The following USP53 variants were observed in gnomAD, a reference collection of about 807,000 sequenced individuals.
USP53 encodes the protein ubiquitin specific peptidase 53.
Under a neutral mutation model 94.9 loss-of-function variants are expected in USP53, and 71 were observed. The observed-to-expected ratio is 0.75, with a 90% CI of 0.62 to 0.91. USP53 has a LOEUF of 0.91. Among genes scored for constraint, USP53 ranks in the 40% least tolerant of loss-of-function variants. The pLI, the probability that USP53 is intolerant of heterozygous loss-of-function variation, is 0.00. For synonymous variants in USP53, 375 were observed against 422.7 expected, an observed-to-expected ratio of 0.89 and a Z score of 1.39; for missense variants, 1,173 against 1,281.0, an observed-to-expected ratio of 0.92 and a Z score of 1.29.
At chr4:119,285,543 TA>T (rs1754005355) in intron 17 of USP53, among the ~76,000 whole-genome samples, 1 of 151,866 alleles carries the variant, frequency 6.6e-6, no homozygotes, top group Non-Finnish European at 1.5e-5. Context: ...AAAAATCTGT[TA>T]AGTCCCTTAT....
At chr4:119,279,908 C>T (rs1239388223) in intron 17 of USP53, among the ~76,000 whole-genome samples, 2 of 152,230 alleles carry the variant, frequency 1.3e-5, no homozygotes, top group Non-Finnish European at 2.9e-5. Context: ...AAAGGGGACT[C>T]CCTGACCCCT....
At chr4:119,227,814 A>C (rs548690165) in intron 3 of USP53, among the ~76,000 whole-genome samples, 1 of 152,238 alleles carries the variant, frequency 6.6e-6, no homozygotes, top group South Asian at 2.1e-4. Flanking sequence ...ATTCATAATA[A>C]CCCCAAAATG....
At chr4:119,261,993 T>C (rs1395553783) in intron 12 of USP53, 129 bp downstream of exon 12, 2 of 874,092 alleles carry the variant, frequency 2.3e-6, no homozygotes, top group Non-Finnish European at 3.1e-6. Context: ...ATGAACATGA[T>C]GATAGCATCA....
At chr4:119,228,652 A>G (rs1745645237) in intron 3 of USP53, among the ~76,000 whole-genome samples, 1 of 152,106 alleles carries the variant, frequency 6.6e-6, no homozygotes, top group Non-Finnish European at 1.5e-5. Context: ...GGTGATGGAA[A>G]TGTTCTATAG....
At chr4:119,232,011 C>T (rs369069101) in intron 3 of USP53, among the ~76,000 whole-genome samples, 2 of 152,234 alleles carry the variant, frequency 1.3e-5, no homozygotes, top group East Asian at 3.9e-4. Context: ...GGTAGAAAGC[C>T]TCCCCAAATC....
chr4:119,266,418 A>G (rs1245216471), intron 12 of USP53: 4 of 448,548 alleles, frequency 8.9e-6, no homozygotes, highest in Non-Finnish European at 1.8e-5. Flanking sequence ...AGAGCAATGT[A>G]TGAGAGTTCC....
Position 119,272,012 on chromosome 4 carries a change from G to A in USP53, c.2152G>A (p.Val718Ile), listed in dbSNP as rs202244720. Residue 718 changes from valine (V) to isoleucine (I), a missense_variant, in exon 16 of 19, where the codon GTT becomes ATT. Val to Ile is a conservative substitution (Grantham distance 29, BLOSUM62 3). Coordinates refer to ENST00000692078, the MANE Select transcript of USP53 (RefSeq NM_001371395.1). ...GNGTVMDISG[V>I]KETVCFSDQI... ...TGGTACAGTAATGGATATCAGTGGTGTTAAAGAAACAGTATGCTTCAGGTA... is the reference window on the plus strand; with the variant it reads ...TGGTACAGTAATGGATATCAGTGGTATTAAAGAAACAGTATGCTTCAGGTA... The A allele has an allele frequency of 6.3e-7, 1 of 1,595,420 alleles. No individual in the cohort carries two copies. Among genetic ancestry groups the A allele is most frequent in the African/African-American group, 1.4e-5 (1 of 74,056 alleles).
chr4:119,259,803 T>A lies in USP53; in HGVS notation c.570-17T>A. ...TAAGTTCATAGGCCAGATTTGGGAT[T>A]GCTTCTTTTTTTGTAGCAATGAGGT... is the stretch of plus-strand genomic sequence containing the variant. On this transcript the variant is annotated splice_polypyrimidine_tract_variant and intron_variant, in intron 9 of 18. Coordinates refer to ENST00000692078, the MANE Select transcript of USP53 (RefSeq NM_001371395.1). 1 of 1,601,656 alleles carries A rather than the reference T, an allele frequency of 6.2e-7. No individual in the cohort carries two copies. The highest frequency in any genetic ancestry group is 8.5e-7 in the Non-Finnish European group (1 of 1,173,604).
chr4:119,212,677 G>A (rs915105511), upstream of USP53: 1 of 346,446 alleles, frequency 2.9e-6, no homozygotes, highest in Non-Finnish European at 5.8e-6. Context: ...TCACAGGGTC[G>A]GGCTCTGGGC....
At chr4:119,265,285 C>T (rs1394730889) in intron 12 of USP53, among the ~76,000 whole-genome samples, 1 of 152,122 alleles carries the variant, frequency 6.6e-6, no homozygotes, top group Non-Finnish European at 1.5e-5. Context: ...TTAAAATCAG[C>T]ACTTTGCTTG....
chr4:119,247,509 C>G (rs539221735), intron 6 of USP53, among the ~76,000 whole-genome samples: 1 of 152,128 alleles, frequency 6.6e-6, no homozygotes, highest in Non-Finnish European at 1.5e-5. Context: ...TTCCTATCCC[C>G]GTTACACTGC....
At chr4:119,245,052 T>A (rs1330400254) in intron 5 of USP53, among the ~76,000 whole-genome samples, 4 of 152,226 alleles carry the variant, frequency 2.6e-5, no homozygotes, top group Non-Finnish European at 5.9e-5. Context: ...TCAGACCAAA[T>A]CCTTAATGAG....
intron 17 of USP53, among the ~76,000 whole-genome samples, chr4:119,285,756 A>C (rs1392176026): frequency 6.6e-6 from 1 of 151,990 alleles, no homozygotes; most frequent in East Asian, 1.9e-4. Context: ...TATTTAGAGA[A>C]GTACTTTTGT....
At chr4:119,274,655 C>T (rs1177435995) in intron 17 of USP53, among the ~76,000 whole-genome samples, 4 of 146,424 alleles carry the variant, frequency 2.7e-5, no homozygotes, top group Non-Finnish European at 6.1e-5. Context: ...AGTTCTAGAT[C>T]CCTGAGGAAT....
At chr4:119,262,789 G>A (rs1388694667) in intron 12 of USP53, among the ~76,000 whole-genome samples, 1 of 152,164 alleles carries the variant, frequency 6.6e-6, no homozygotes, top group African/African-American at 2.4e-5. Context: ...ATATTGTCTA[G>A]AAAAGTAGTG....
At chr4:119,283,614 G>A (rs1309599152) in intron 17 of USP53, among the ~76,000 whole-genome samples, 1 of 151,778 alleles carries the variant, frequency 6.6e-6, no homozygotes, top group Admixed American at 6.6e-5. Context: ...GCGTATGTGG[G>A]CAGGATAATT....
At position 119,239,532 on chromosome 4, in the gene USP53, A is replaced by G. The variant is rs1247028871; in HGVS notation, c.-228A>G. On this transcript the variant is annotated 5_prime_UTR_variant, in exon 5 of 19. In the 5' UTR this introduces an upstream ATG that the reference lacks. Coordinates refer to ENST00000692078, the MANE Select transcript of USP53 (RefSeq NM_001371395.1). Reference sequence around the variant, plus strand: ...ACATCTTTAACGCCTTGTTTAAAATAGCTTTCTTTTTTAGTGCTTAGAACT... The same window carrying G: ...ACATCTTTAACGCCTTGTTTAAAATGGCTTTCTTTTTTAGTGCTTAGAACT... 3 of 472,454 alleles carry G rather than the reference A, an allele frequency of 6.3e-6. No individual in the cohort carries two copies. Among genetic ancestry groups the G allele is most frequent in the Non-Finnish European group, 1.1e-5 (3 of 275,646 alleles). The allele number at this position is 472,454 out of a possible 1,614,324, so 29.3% of individuals were successfully genotyped here. A position where few individuals can be genotyped will look rare whatever the true frequency, so the allele number is the denominator to read the frequency against.
chr4:119,292,999 A>C lies in USP53; in HGVS notation c.3010A>C (p.Thr1004Pro), dbSNP rs1324602549. 9 of 1,613,994 alleles carry C rather than the reference A, an allele frequency of 5.6e-6. No individual in the cohort carries two copies. In the African/African-American group the frequency reaches 1.2e-4, roughly 22 times the overall value. The change falls in exon 19 of 19, where the codon ACT becomes CCT. Residue 1004 changes from threonine (T) to proline (P), a missense_variant. Coordinates refer to ENST00000692078, the MANE Select transcript of USP53 (RefSeq NM_001371395.1). The stretch of plus-strand genomic sequence containing the variant: ...ACCAAACTGTCCATCCAGCTCCTCA[A>C]CTAACGATTTTCAGGCAAACTCAGG... The part of the protein sequence containing the change: ...NTPNCPSSSS[T>P]NDFQANSGAI...
chr4:119,233,501 T>C (rs1243243227), intron 3 of USP53, among the ~76,000 whole-genome samples: 1 of 152,138 alleles, frequency 6.6e-6, no homozygotes, highest in African/African-American at 2.4e-5. Flanking sequence ...TTTAACCATG[T>C]CTCATAGCTT....
Sources: gnomAD v4.1 joint callset for allele counts (sites outside exome capture counted in the v4.1 genomes callset) on GRCh38, gnomAD v4.1.1 for gene constraint, MANE v1.5 for transcripts, NCBI Gene and HGNC (gene_info 2026-07-23, HGNC 2026-07-21) for gene names.